Variants in FAM83G observed in about 807,000 individuals in gnomAD.
FAM83G encodes protein FAM83G.
In FAM83G, 38 loss-of-function variants were observed where a neutral mutation model predicts 61.5. The ratio of observed to expected loss-of-function variants is 0.62; its 90% CI spans 0.48 to 0.81. FAM83G has a LOEUF of 0.81. Ranked by LOEUF, FAM83G falls within the 30% of genes least tolerant of loss-of-function variation. The pLI is 0.00. For synonymous variants in FAM83G, 470 were observed against 476.1 expected (o/e 0.99, Z 0.17); for missense variants, 989 against 1,133.6 (o/e 0.87, Z 1.83).
rs772573560 is a variant in FAM83G at position 18,971,265 on chromosome 17, T to C, written c.*94A>G. The C allele has an allele frequency of 1.2e-6, 2 of 1,611,966 alleles. No individual in the cohort carries two copies. The highest frequency in any genetic ancestry group is 1.1e-5 in the South Asian group (1 of 91,044). On this transcript the variant is annotated 3_prime_UTR_variant, in exon 6 of 6. Coordinates refer to ENST00000388995, the MANE Select transcript of FAM83G (RefSeq NM_001039999.3). This position sits in a 1 kb window ranked among gnomAD's most constrained non-coding sequence, Gnocchi z 5.5. ...CCATCCCACCTTCCTGCCGTCCCAG[T>C]GGGCTCTGGTAGGCCCAGGCGGCCT... is the stretch of plus-strand genomic sequence containing the variant.
chr17:19,004,059 C>A lies in FAM83G; in HGVS notation c.-18G>T. 1 of 1,566,292 alleles carries A rather than the reference C, an allele frequency of 6.4e-7. No homozygotes were observed. The highest frequency in any genetic ancestry group is 8.7e-7 in the Non-Finnish European group (1 of 1,154,400). ...AAGGCCATGGCGCCGCCTGCCCGGGCACTGCTGCCGGGGGTGGGTGGGCAA... is the reference window on the plus strand; with the variant it reads ...AAGGCCATGGCGCCGCCTGCCCGGGAACTGCTGCCGGGGGTGGGTGGGCAA... On this transcript the variant is annotated 5_prime_UTR_variant, in exon 2 of 6. Transcript: ENST00000388995. This position sits in a 1 kb window ranked among gnomAD's most constrained non-coding sequence, Gnocchi z 5.4.
Position 19,004,369 on chromosome 17 carries a change from C to G in FAM83G, c.-128-200G>C. ...ACAGCGGTGAGGGAGCGGTGGGCCACGTCCCAGGGCTCAGCGTGCCTCTAC... is the reference window on the plus strand; with the variant it reads ...ACAGCGGTGAGGGAGCGGTGGGCCAGGTCCCAGGGCTCAGCGTGCCTCTAC... On this transcript the variant is annotated intron_variant, in intron 1 of 5. Transcript: ENST00000388995. The surrounding 1 kb of genome is among the most constrained non-coding windows in gnomAD (Gnocchi z 5.4). The G allele has an allele frequency of 4.0e-6, 1 of 248,518 alleles. No individual in the cohort carries two copies. Among genetic ancestry groups the G allele is most frequent in the Non-Finnish European group, 7.6e-6 (1 of 131,228 alleles). 15.4% of individuals were successfully genotyped at this position (248,518 alleles called of 1,614,324 possible). A position where few individuals can be genotyped will look rare whatever the true frequency, so the allele number is the denominator to read the frequency against.
rs114358409 is a variant in FAM83G at position 19,003,456 on chromosome 17, C to T, written c.522+64G>A. ...CTCCCGTTTTGGGCTCTGAGTGAGC[C>T]TGTATTGAGAGGGGTCCGGTGGCTG... On this transcript the variant is annotated intron_variant, in intron 2 of 5. Coordinates refer to ENST00000388995, the MANE Select transcript of FAM83G (RefSeq NM_001039999.3). This position sits in a 1 kb window ranked among gnomAD's most constrained non-coding sequence, Gnocchi z 4.5. The T allele has an allele frequency of 8.8e-4, 1,302 of 1,479,830 alleles. 12 individuals carry two copies. The African/African-American group carries it at 0.017, about 19-fold the overall frequency. 91.7% of individuals were successfully genotyped at this position (1,479,830 alleles called of 1,614,324 possible).
At chr17:18,983,304 C>T (rs563250134) in intron 3 of FAM83G, among the ~76,000 whole-genome samples, 52 of 152,354 alleles carry the variant, frequency 3.4e-4, no homozygotes, top group African/African-American at 1.2e-3. Flanking sequence ...ATGGGGCGCT[C>T]GAGGCCCAGA....
At chr17:18,992,924 A>G (rs1597877295) in intron 2 of FAM83G, among the ~76,000 whole-genome samples, 1 of 152,122 alleles carries the variant, frequency 6.6e-6, no homozygotes, top group Admixed American at 6.5e-5. Flanking sequence ...GGTGCCAACA[A>G]CAGCCTGTGG....
chr17:18,988,560 C>T, intron 2 of FAM83G, 146 bp from the exon 3 acceptor site: 2 of 1,376,472 alleles, frequency 1.5e-6, no homozygotes, highest in Non-Finnish European at 1.9e-6. Flanking sequence ...GGCCCGGGAC[C>T]AGGAAGTGAG....
chr17:18,974,184 C>T (rs951666686), intron 5 of FAM83G, among the ~76,000 whole-genome samples: 3 of 152,026 alleles, frequency 2.0e-5, no homozygotes, highest in Non-Finnish European at 4.4e-5. Flanking sequence ...AGCCACCATG[C>T]CCAGCCAATT....
chr17:18,980,153 G>A (rs887325831), intron 3 of FAM83G, among the ~76,000 whole-genome samples: 1 of 152,154 alleles, frequency 6.6e-6, no homozygotes, highest in Non-Finnish European at 1.5e-5. Context: ...CTTATACTCC[G>A]ATAAGTCTGT....
chr17:19,003,785 G>A lies in FAM83G; in HGVS notation c.257C>T (p.Pro86Leu), dbSNP rs191819394. Residue 86 changes from proline (P) to leucine (L), a missense_variant, in exon 2 of 6, where the codon CCC (proline) becomes CTC (leucine). Physicochemically the swap from Pro to Leu is moderately conservative, Grantham distance 98 (BLOSUM62 -3). Around this residue, in one of 3 missense-constraint regions of FAM83G, gnomAD observed 371 missense variants for 404.5 expected, o/e 0.92. Coordinates refer to ENST00000388995, the MANE Select transcript of FAM83G (RefSeq NM_001039999.3). The surrounding 1 kb of genome is among the most constrained non-coding windows in gnomAD (Gnocchi z 4.5). The stretch of plus-strand genomic sequence containing the variant: ...CCCATTGTCCTCGGGCCCCTGAGAG[G>A]GGCCCGTGCCCCGAGGGTCCTCAGA... ...PGSEDPRGTG[P>L]SQGPEDNGVG... 1,682 of 1,611,704 alleles carry A rather than the reference G, an allele frequency of 1.0e-3. 31 individuals carry two copies. In the Admixed American group the frequency reaches 0.027, roughly 26 times the overall value.
intron 2 of FAM83G, among the ~76,000 whole-genome samples, chr17:18,997,021 C>T (rs1458564452): frequency 1.3e-5 from 2 of 152,204 alleles, no homozygotes; most frequent in Admixed American, 1.3e-4. Flanking sequence ...ACTCTGAGGT[C>T]CCGTTCCCCT....
At chr17:18,981,363 G>A (rs1192118687) in intron 3 of FAM83G, among the ~76,000 whole-genome samples, 1 of 152,144 alleles carries the variant, frequency 6.6e-6, no homozygotes, top group Non-Finnish European at 1.5e-5. Flanking sequence ...GCAGGGGCGG[G>A]CTCCTGGTAA....
rs778257113 is a variant in FAM83G at position 18,971,397 on chromosome 17, G to A, written c.2434C>T (p.Arg812Trp). Reference protein sequence around the residue: ...GSQWASSDSKRRAQAPRDRKD... With the variant: ...GSQWASSDSKWRAQAPRDRKD... ...CGGTCCCGGGGGGCTTGAGCCCTCC[G>A]TTTAGAATCCGATGAGGCCCACTGG... is the stretch of plus-strand genomic sequence containing the variant. Residue 812 changes from arginine to tryptophan, a missense_variant, in exon 6 of 6, where the codon CGG becomes TGG. Physicochemically the swap from Arg to Trp is moderately radical, Grantham distance 101. Transcript: ENST00000388995. The surrounding 1 kb of genome is among the most constrained non-coding windows in gnomAD (Gnocchi z 5.5). The A allele has an allele frequency of 8.1e-6, 13 of 1,613,760 alleles. No individual in the cohort carries two copies. The highest frequency in any genetic ancestry group is 5.3e-5 in the African/African-American group (4 of 75,032).
chr17:18,986,625 C>A (rs2043276394), intron 3 of FAM83G, among the ~76,000 whole-genome samples: 1 of 152,264 alleles, frequency 6.6e-6, no homozygotes, highest in Non-Finnish European at 1.5e-5. Context: ...AGCAGCGGAG[C>A]AGCCAGGGCT....
chr17:18,973,916 A>T (rs1266541603), intron 5 of FAM83G, among the ~76,000 whole-genome samples: 4 of 108,550 alleles, frequency 3.7e-5, no homozygotes, highest in East Asian at 5.1e-4. Context: ...TCCCAGAGAC[A>T]TAGTCTTGTT....
rs767179511 is a variant in FAM83G, at chr17:18,969,371, G to A, written c.*1988C>T. 4.3e-6 allele frequency: 7 copies of A among 1,613,590 alleles called. No homozygotes were observed. The highest frequency in any genetic ancestry group is 5.9e-6 in the Non-Finnish European group (7 of 1,180,030). On this transcript the variant is annotated 3_prime_UTR_variant, in exon 6 of 6. Coordinates refer to ENST00000388995, the MANE Select transcript of FAM83G (RefSeq NM_001039999.3). ...CCTGGCTGCTGTAATCTACACGGAC[G>A]CCCTGCAGACGCTCATCATGGTGGT...
chr17:18,972,088 G>A (rs1397346556), intron 5 of FAM83G, among the ~76,000 whole-genome samples: 1 of 152,162 alleles, frequency 6.6e-6, no homozygotes, highest in Non-Finnish European at 1.5e-5. Context: ...TTGAGTGCAG[G>A]GGGTGACTCT....
chr17:18,978,098 A>C lies in FAM83G; in HGVS notation c.1568T>G (p.Ile523Ser). 1.3e-6 allele frequency: 2 copies of C among 1,516,034 alleles called. No individual in the cohort carries two copies. Among genetic ancestry groups the C allele is most frequent in the Admixed American group, 4.4e-5 (2 of 45,194 alleles). The allele number at this position is 1,516,034 out of a possible 1,614,324, so 93.9% of individuals were successfully genotyped here. Residue 523 changes from isoleucine (I) to serine (S), a missense_variant, in exon 5 of 6, where the codon ATT (isoleucine) becomes AGT (serine). By Grantham distance (142) the Ile-to-Ser change is moderately radical. Transcript: ENST00000388995. The stretch of plus-strand genomic sequence containing the variant: ...TTTGGGGAGCTCCAGGACCCAGCCA[A>C]TATCACTGCTGTCCCGGGCTAGTAC... ...ADVLARDSSD[I>S]GWVLELPKEE...
rs763664911 is a variant in FAM83G at position 18,971,703 on chromosome 17, C to T, written c.2128G>A (p.Asp710Asn). ...GGGGGTCCTGGGAAGCCGTCTTTAT[C>T]CCTAGTCCCTGAGGCAGGGACCCTG... ...HHRVPASGTR[D>N]KDGFPGPPRY... Residue 710 changes from aspartate (D) to asparagine (N), a missense_variant, in exon 6 of 6, where the codon GAT (aspartate) becomes AAT (asparagine). Physicochemically the swap from Asp to Asn is conservative, Grantham distance 23. Transcript: ENST00000388995. The surrounding 1 kb of genome is among the most constrained non-coding windows in gnomAD (Gnocchi z 5.5). 1.2e-6 allele frequency: 2 copies of T among 1,602,056 alleles called. No individual in the cohort carries two copies. The highest frequency in any genetic ancestry group is 1.7e-6 in the Non-Finnish European group (2 of 1,172,290).
intron 5 of FAM83G, among the ~76,000 whole-genome samples, chr17:18,972,833 C>A: frequency 6.6e-6 from 1 of 150,768 alleles, no homozygotes; most frequent in East Asian, 2.0e-4. Context: ...TGTGCCACTG[C>A]ACTCCAGCCT....
Sources: gnomAD v4.1 joint callset for allele counts (sites outside exome capture counted in the v4.1 genomes callset) on GRCh38, gnomAD v4.1.1 for gene constraint, gnomAD v4.1.1 regional missense constraint, Gnocchi (gnomAD v3.1) non-coding constraint, MANE v1.5 for transcripts, NCBI Gene and HGNC (gene_info 2026-07-23, HGNC 2026-07-21) for gene names.